Variants in CSMD1 observed in about 807,000 individuals in gnomAD.
CSMD1 encodes the protein CUB and sushi domain-containing protein 1.
A neutral mutation model predicts 417.5 loss-of-function variants in CSMD1; 213 were observed. The ratio of observed to expected loss-of-function variants is 0.51; its 90% CI spans 0.46 to 0.57. The LOEUF (loss-of-function observed/expected upper bound fraction) is 0.57. Among genes scored for constraint, CSMD1 ranks in the 20% least tolerant of loss-of-function variants. CSMD1 has a pLI of 0.00. For synonymous variants in CSMD1, 2,862 were observed against 1,736.8 expected (o/e 1.65, Z -16.11); for missense variants, 6,923 against 4,529.7 (o/e 1.53, Z -15.17).
rs145502130 is a variant in CSMD1, at chr8:4,939,500, T to C, written c.85+54832A>G. Among the ~76,000 whole-genome samples the C allele has an allele frequency of 6.8e-4, 103 of 152,290 alleles. 5 individuals are homozygous for C. The South Asian group carries it at 0.011, about 17-fold the overall frequency. ...AAGACAGTCCTGTCATTTGTGACAA[T>C]ATGAATGAAACAGACATCACATTAA... On this transcript the variant is annotated intron_variant, in intron 1 of 69. Coordinates refer to ENST00000635120, the MANE Select transcript of CSMD1 (RefSeq NM_033225.6).
chr8:2,978,509 A>G (rs1271468695), intron 55 of CSMD1, 103 bp downstream of exon 55: 2 of 875,976 alleles, frequency 2.3e-6, no homozygotes, highest in East Asian at 5.4e-5. Flanking sequence ...GGAGGACAGA[A>G]GGAATTAAAA....
At chr8:4,139,204 G>C (rs1275859420) in intron 3 of CSMD1, among the ~76,000 whole-genome samples, 1 of 152,116 alleles carries the variant, frequency 6.6e-6, no homozygotes, top group African/African-American at 2.4e-5. Flanking sequence ...TATCTTCCTG[G>C]AAAATAAGAG....
Position 3,740,649 on chromosome 8 carries a change from T to C in CSMD1, c.931+13281A>G, listed in dbSNP as rs1369429790. Among the ~76,000 whole-genome samples the C allele has an allele frequency of 2.0e-5, 3 of 152,192 alleles. 1 individual carries two copies. Among genetic ancestry groups the C allele is most frequent in the Admixed American group, 2.0e-4 (3 of 15,280 alleles). ...TGGTAAAGAGACAAATGTAGGGACC[T>C]GGGATGTAGATTTTACGAGATGTAT... On this transcript the variant is annotated intron_variant, in intron 6 of 69. Coordinates refer to ENST00000635120, the MANE Select transcript of CSMD1 (RefSeq NM_033225.6).
intron 11 of CSMD1, among the ~76,000 whole-genome samples, chr8:3,472,568 A>G (rs1817168356): frequency 6.6e-6 from 1 of 150,852 alleles, no homozygotes; most frequent in South Asian, 2.1e-4. Flanking sequence ...ATGATGAAGA[A>G]CTTGCTGATT....
At chr8:4,565,535 G>T (rs979576208) in intron 2 of CSMD1, among the ~76,000 whole-genome samples, 2 of 151,898 alleles carry the variant, frequency 1.3e-5, no homozygotes, top group African/African-American at 4.8e-5. Context: ...AGGTGTTTGA[G>T]ACAAGCCTGG....
chr8:3,354,929 A>ACCTATC (rs375434837), intron 21 of CSMD1, among the ~76,000 whole-genome samples: 1 of 149,772 alleles, frequency 6.7e-6, no homozygotes, highest in African/African-American at 2.5e-5. Context: ...CTATCTATAG[A>ACCTATC]TATAGATATA....
At chr8:4,051,733 A>G (rs1798433606) in intron 3 of CSMD1, among the ~76,000 whole-genome samples, 1 of 152,174 alleles carries the variant, frequency 6.6e-6, no homozygotes, top group African/African-American at 2.4e-5. Context: ...GGGATTAAAG[A>G]AAGGCAAAGA....
At chr8:4,232,740 C>G (rs1801819234) in intron 3 of CSMD1, among the ~76,000 whole-genome samples, 1 of 152,144 alleles carries the variant, frequency 6.6e-6, no homozygotes, top group African/African-American at 2.4e-5. Flanking sequence ...CGTAAGATTG[C>G]CTTAATTCAC....
intron 3 of CSMD1, among the ~76,000 whole-genome samples, chr8:4,342,362 C>T (rs1233618077): frequency 6.6e-6 from 1 of 152,064 alleles, no homozygotes; most frequent in Admixed American, 6.6e-5. Flanking sequence ...TGTATACATT[C>T]TACAGCTATC....
chr8:3,886,255 G>T (rs1267841840), intron 5 of CSMD1, among the ~76,000 whole-genome samples: 2 of 152,004 alleles, frequency 1.3e-5, no homozygotes, highest in African/African-American at 4.8e-5. Flanking sequence ...CACCATGTTG[G>T]CCTGGCTGGT....
At chr8:2,960,421 G>T (rs977216868) in intron 62 of CSMD1, among the ~76,000 whole-genome samples, 2 of 152,186 alleles carry the variant, frequency 1.3e-5, no homozygotes, top group Non-Finnish European at 2.9e-5. Flanking sequence ...CTTAATTGAT[G>T]AGATCCCTAT....
intron 54 of CSMD1, among the ~76,000 whole-genome samples, chr8:2,996,558 C>T (rs1036243537): frequency 3.3e-5 from 5 of 152,174 alleles, no homozygotes; most frequent in South Asian, 2.1e-4. Flanking sequence ...TGGAGTCCTG[C>T]GGCCTCCACA....
intron 3 of CSMD1, among the ~76,000 whole-genome samples, chr8:4,148,542 C>G (rs908228569): frequency 6.6e-6 from 1 of 151,872 alleles, no homozygotes; most frequent in Non-Finnish European, 1.5e-5. Flanking sequence ...GCATTGGCTA[C>G]TTGGAGTTCT....
In CSMD1 at chr8:3,818,022, C is replaced by T. The variant is rs183624689; in HGVS notation, c.819-63980G>A. 6.4e-3 allele frequency among the ~76,000 whole-genome samples: 980 copies of T among 152,262 alleles called. 10 individuals carry two copies. The highest frequency in any genetic ancestry group is 0.014 in the Middle Eastern group (4 of 292). On this transcript the variant is annotated intron_variant, in intron 5 of 69. Coordinates refer to ENST00000635120, the MANE Select transcript of CSMD1 (RefSeq NM_033225.6). ...CATTTTTACTTTATTTTAAAACCTT[C>T]CAACCCCAAACCACGACTCTCGTTC...
chr8:4,586,820 G>A (rs1018561036), intron 2 of CSMD1, among the ~76,000 whole-genome samples: 1 of 152,162 alleles, frequency 6.6e-6, no homozygotes, highest in African/African-American at 2.4e-5. Flanking sequence ...CTGCACACAG[G>A]TCTGCACGCA....
At chr8:3,840,263 A>G (rs754259827) in intron 5 of CSMD1, among the ~76,000 whole-genome samples, 1 of 152,168 alleles carries the variant, frequency 6.6e-6, no homozygotes, top group Non-Finnish European at 1.5e-5. Context: ...CAAATGGTGA[A>G]ACAGATGTTC....
At chr8:4,305,348 C>T (rs916162207) in intron 3 of CSMD1, among the ~76,000 whole-genome samples, 2 of 152,038 alleles carry the variant, frequency 1.3e-5, no homozygotes, top group East Asian at 1.9e-4. Context: ...AAGTGAGACC[C>T]GAACTGGAAT....
At chr8:3,323,972 T>A (rs111336467) in intron 23 of CSMD1, among the ~76,000 whole-genome samples, 5 of 96,646 alleles carry the variant, frequency 5.2e-5, no homozygotes, top group South Asian at 3.8e-4. Context: ...TCACCCCACC[T>A]TTCATCATTG....
intron 3 of CSMD1, among the ~76,000 whole-genome samples, chr8:4,347,465 A>C (rs17069985): frequency 6.6e-6 from 1 of 152,118 alleles, no homozygotes; most frequent in Non-Finnish European, 1.5e-5. Flanking sequence ...TACCACATCT[A>C]TGAAGAAGAA....
Sources: allele counts gnomAD v4.1 joint callset (sites outside exome capture counted in the v4.1 genomes callset), GRCh38; gene constraint gnomAD v4.1.1; transcripts MANE v1.5; gene names NCBI Gene and HGNC (gene_info 2026-07-23, HGNC 2026-07-21).